Variants in LYN observed in about 807,000 individuals in gnomAD.
LYN encodes LYN proto-oncogene, Src family tyrosine kinase, also known as tyrosine-protein kinase Lyn.
In LYN, 12 loss-of-function variants were observed where a neutral mutation model predicts 65.0. The observed-to-expected ratio is 0.18, with a 90% CI of 0.12 to 0.30. The LOEUF is 0.30. Ranked by LOEUF, LYN falls within the 10% of genes least tolerant of loss-of-function variation. The pLI, the probability that LYN is intolerant of heterozygous loss-of-function variation, is 1.00. For synonymous variants in LYN, 222 were observed against 221.2 expected (o/e 1.00, Z -0.03); for missense variants, 380 against 623.2 (o/e 0.61, Z 4.16).
intron 10 of LYN, among the ~76,000 whole-genome samples, chr8:55,997,776 T>G (rs73590364): frequency 0.033 from 5,078 of 152,294 alleles, 272 homozygotes; most frequent in African/African-American, 0.11. Flanking sequence ...GAAAAGATTC[T>G]TCACACATTA....
chr8:55,992,457 C>G (rs1395962063), intron 10 of LYN, among the ~76,000 whole-genome samples: 1 of 152,180 alleles, frequency 6.6e-6, no homozygotes, highest in Non-Finnish European at 1.5e-5. Context: ...GAGAACCTTC[C>G]TCACCTGCCC....
intron 1 of LYN, among the ~76,000 whole-genome samples, chr8:55,935,832 T>G (rs992769180): frequency 4.7e-5 from 7 of 150,226 alleles, no homozygotes; most frequent in Non-Finnish European, 7.4e-5. Flanking sequence ...AAGACTGAAC[T>G]GCTTGAGTTG....
At chr8:55,933,354 C>T (rs542353677) in intron 1 of LYN, among the ~76,000 whole-genome samples, 19 of 152,290 alleles carry the variant, frequency 1.2e-4, no homozygotes, top group African/African-American at 4.1e-4. Flanking sequence ...TTTATTTAAC[C>T]AGTGACCTAT....
chr8:55,930,327 A>C (rs921701175), intron 1 of LYN, among the ~76,000 whole-genome samples: 2 of 152,228 alleles, frequency 1.3e-5, no homozygotes, highest in Non-Finnish European at 2.9e-5. Context: ...AATTTCTATT[A>C]TGTTACATGC....
chr8:55,945,702 T>C (rs559533309), intron 2 of LYN, among the ~76,000 whole-genome samples: 5 of 152,196 alleles, frequency 3.3e-5, no homozygotes, highest in African/African-American at 4.8e-5. Context: ...GGTGGTCTTC[T>C]GTGCCACCAA....
intron 10 of LYN, among the ~76,000 whole-genome samples, chr8:55,994,986 G>T (rs989918791): frequency 6.6e-6 from 1 of 152,060 alleles, no homozygotes; most frequent in African/African-American, 2.4e-5. Context: ...CCTGATCTTC[G>T]CTCTCCACTT....
chr8:55,905,577 G>A (rs1438746363), intron 1 of LYN, among the ~76,000 whole-genome samples: 2 of 152,154 alleles, frequency 1.3e-5, no homozygotes, highest in African/African-American at 2.4e-5. Flanking sequence ...AAAAGCTACC[G>A]CAAGGTCATC....
At chr8:55,895,038 T>A (rs915053495) in intron 1 of LYN, among the ~76,000 whole-genome samples, 2 of 152,080 alleles carry the variant, frequency 1.3e-5, no homozygotes, top group African/African-American at 4.8e-5. Flanking sequence ...GGTCTTGAAC[T>A]CCTGGTCTCA....
rs567196073 is a variant in LYN, at chr8:55,986,118, G to A, written c.1051-12228G>A. Among the ~76,000 whole-genome samples the A allele has an allele frequency of 1.1e-4, 17 of 151,960 alleles. No individual in the cohort carries two copies. In the South Asian group the frequency reaches 2.1e-3, roughly 19 times the overall value. ...CTGTAGGTTGAGGCTGCAGTGAGCT[G>A]TGATCCTGCCACTGCTCTCTGTCCT... On this transcript the variant is annotated intron_variant, in intron 10 of 12. Transcript: ENST00000519728.
intron 10 of LYN, among the ~76,000 whole-genome samples, chr8:55,992,936 T>C (rs1271153905): frequency 6.6e-6 from 1 of 152,076 alleles, no homozygotes; most frequent in Non-Finnish European, 1.5e-5. Flanking sequence ...TACGATTGCA[T>C]TGGAGATTAA....
Position 56,011,904 on chromosome 8 carries a change from A to G in LYN, c.*1794A>G. The G allele has an allele frequency of 5.3e-6, 1 of 186,996 alleles. No homozygotes were observed. The highest frequency in any genetic ancestry group is 1.1e-5 in the Non-Finnish European group (1 of 88,620). 11.6% of individuals were successfully genotyped at this position (186,996 alleles called of 1,614,324 possible). On this transcript the variant is annotated 3_prime_UTR_variant, in exon 13 of 13. Coordinates refer to ENST00000519728, the MANE Select transcript of LYN (RefSeq NM_002350.4). ...ATTTCAGAACCACAAGTATTACCCA[A>G]TATGTTACATGGAGAGGAACTATAA...
intron 6 of LYN, among the ~76,000 whole-genome samples, chr8:55,951,088 C>CA (rs1184288033): frequency 6.7e-6 from 1 of 150,244 alleles, no homozygotes; most frequent in African/African-American, 2.5e-5. Context: ...ACAAGAAATA[C>CA]AAAACTTAGC....
chr8:55,909,016 C>T (rs908204340), intron 1 of LYN, among the ~76,000 whole-genome samples: 47,318 of 63,908 alleles, frequency 0.74, 16,150 homozygotes, highest in East Asian at 0.94. Context: ...TATATACACA[C>T]ACACACACAC....
intron 10 of LYN, among the ~76,000 whole-genome samples, chr8:55,993,919 G>T (rs1199907681): frequency 4.6e-5 from 7 of 152,202 alleles, no homozygotes; most frequent in African/African-American, 1.7e-4. Context: ...GGAAGTGGGA[G>T]TCCCTGGGGA....
intron 1 of LYN, among the ~76,000 whole-genome samples, chr8:55,923,691 T>G (rs900356104): frequency 6.6e-6 from 1 of 152,016 alleles, no homozygotes; most frequent in African/African-American, 2.4e-5. Context: ...AGGCGCCTGC[T>G]GCCATACCCA....
In LYN at chr8:55,969,776, A is replaced by C; in HGVS notation, c.1033A>C (p.Ile345Leu). The stretch of plus-strand genomic sequence containing the variant: ...TGGCAAAGTGCTGCTTCCAAAGCTC[A>C]TTGACTTTTCTGCTCAGGTAACATA... ...EGGKVLLPKL[I>L]DFSAQIAEGM... is the part of the protein sequence containing the mutation. Residue 345 changes from isoleucine (I) to leucine (L), a missense_variant, in exon 10 of 13, where the codon ATT (isoleucine) becomes CTT (leucine). Coordinates refer to ENST00000519728, the MANE Select transcript of LYN (RefSeq NM_002350.4). The C allele has an allele frequency of 6.2e-7, 1 of 1,614,188 alleles. No homozygotes were observed. The highest frequency in any genetic ancestry group is 8.5e-7 in the Non-Finnish European group (1 of 1,179,990).
chr8:55,919,787 T>C (rs1225566525), intron 1 of LYN, among the ~76,000 whole-genome samples: 1 of 152,046 alleles, frequency 6.6e-6, no homozygotes, highest in Non-Finnish European at 1.5e-5. Context: ...TGCACCCGTC[T>C]GGGTGAGCAG....
intron 2 of LYN, among the ~76,000 whole-genome samples, chr8:55,943,542 C>T (rs1485203871): frequency 3.4e-5 from 5 of 145,672 alleles, no homozygotes; most frequent in Non-Finnish European, 6.0e-5. Flanking sequence ...CGCTACTGCA[C>T]TCCAGCCTGG....
intron 1 of LYN, among the ~76,000 whole-genome samples, chr8:55,905,590 G>A (rs1284524206): frequency 6.6e-6 from 1 of 152,104 alleles, no homozygotes; most frequent in Non-Finnish European, 1.5e-5. Context: ...AGGTCATCTC[G>A]GGAAAAGGGA....
Sources: gnomAD v4.1 joint callset for allele counts (sites outside exome capture counted in the v4.1 genomes callset) on GRCh38, gnomAD v4.1.1 for gene constraint, MANE v1.5 for transcripts, NCBI Gene and HGNC (gene_info 2026-07-23, HGNC 2026-07-21) for gene names.